L3MBTL4: variants seen among roughly 807,000 people sequenced by gnomAD.
L3MBTL4 encodes the protein lethal(3)malignant brain tumor-like protein 4.
L3MBTL4 carries 70 observed loss-of-function variants against 84.5 expected under a neutral mutation model. The observed-to-expected ratio is 0.83, with a 90% confidence interval of 0.68 to 1.01. The LOEUF is 1.01. L3MBTL4 is among the 50% of genes least tolerant of loss of function. The pLI is 0.00. For missense variants in L3MBTL4, 715 were observed against 754.8 expected (o/e 0.95, Z 0.62); for synonymous variants, 274 against 259.8 (o/e 1.05, Z -0.52).
intron 16 of L3MBTL4, among the ~76,000 whole-genome samples, chr18:5,999,763 G>T (rs2054134150): frequency 6.6e-6 from 1 of 152,342 alleles, no homozygotes; most frequent in East Asian, 1.9e-4. Flanking sequence ...AGAAAAGAAG[G>T]GCTGAGTGGT....
At chr18:6,076,225 A>G (rs2057852036) in intron 16 of L3MBTL4, among the ~76,000 whole-genome samples, 1 of 152,234 alleles carries the variant, frequency 6.6e-6, no homozygotes, top group African/African-American at 2.4e-5. Context: ...ACTGAAAACA[A>G]TCAACCTAAA....
At chr18:6,409,593 T>A (rs535423001) in intron 1 of L3MBTL4, among the ~76,000 whole-genome samples, 2 of 152,192 alleles carry the variant, frequency 1.3e-5, no homozygotes, top group Non-Finnish European at 2.9e-5. Context: ...TTTGGGTGCA[T>A]GTGCCCATGT....
intron 12 of L3MBTL4, among the ~76,000 whole-genome samples, chr18:6,174,719 A>G (rs2044144315): frequency 6.6e-6 from 1 of 151,996 alleles, no homozygotes; most frequent in African/African-American, 2.4e-5. Flanking sequence ...AAATGCAAAA[A>G]TCAGCTGGTG....
chr18:6,215,866 A>G (rs1259437932), intron 10 of L3MBTL4, 31 bp from the exon 11 acceptor site: 1 of 1,223,184 alleles, frequency 8.2e-7, no homozygotes, highest in East Asian at 2.5e-5. Context: ...ATAGCAAAAG[A>G]TTACTCATAG....
At chr18:6,276,550 G>T (rs2049085400) in intron 4 of L3MBTL4, among the ~76,000 whole-genome samples, 2 of 151,748 alleles carry the variant, frequency 1.3e-5, no homozygotes, top group African/African-American at 4.8e-5. Flanking sequence ...AATCAGCATT[G>T]TCATGAGGAC....
At chr18:6,051,222 C>T (rs2056827039) in intron 16 of L3MBTL4, among the ~76,000 whole-genome samples, 1 of 152,226 alleles carries the variant, frequency 6.6e-6, no homozygotes, top group African/African-American at 2.4e-5. Flanking sequence ...TCATGACAGT[C>T]TGCATGAATA....
At chr18:6,228,399 T>A (rs1038819639) in intron 10 of L3MBTL4, among the ~76,000 whole-genome samples, 75 of 152,170 alleles carry the variant, frequency 4.9e-4, no homozygotes, top group Middle Eastern at 6.8e-3. Flanking sequence ...TAATTGGGCA[T>A]CATCAAAATT....
intron 10 of L3MBTL4, among the ~76,000 whole-genome samples, chr18:6,232,111 G>C (rs1485374853): frequency 1.3e-5 from 2 of 152,072 alleles, no homozygotes; most frequent in Non-Finnish European, 2.9e-5. Context: ...GTTGAATCTT[G>C]TCAAATGCTT....
intron 4 of L3MBTL4, among the ~76,000 whole-genome samples, chr18:6,278,639 T>C (rs185162707): frequency 6.6e-6 from 1 of 152,292 alleles, no homozygotes; most frequent in Admixed American, 6.5e-5. Context: ...CTGGAAGAGT[T>C]TGACTATCAT....
intron 1 of L3MBTL4, among the ~76,000 whole-genome samples, chr18:6,388,310 C>T (rs891850366): frequency 6.6e-6 from 1 of 152,166 alleles, no homozygotes; most frequent in African/African-American, 2.4e-5. Context: ...AAAAAATGTA[C>T]TGCTTAGCAA....
intron 16 of L3MBTL4, among the ~76,000 whole-genome samples, chr18:6,023,863 AT>A (rs34436104): frequency 0.036 from 5,538 of 152,188 alleles, 343 homozygotes; most frequent in Admixed American, 0.16. Context: ...TCAGTGGTAG[AT>A]TTATTATTTG....
chr18:6,050,300 C>T (rs559565209), intron 16 of L3MBTL4, among the ~76,000 whole-genome samples: 15 of 152,260 alleles, frequency 9.9e-5, no homozygotes, highest in Admixed American at 3.3e-4. Context: ...CTCTCCCACA[C>T]GATGTCAGGG....
chr18:6,026,590 G>A (rs1396991325), intron 16 of L3MBTL4, among the ~76,000 whole-genome samples: 1 of 152,152 alleles, frequency 6.6e-6, no homozygotes, highest in Non-Finnish European at 1.5e-5. Context: ...GAAGAGCTAA[G>A]GAAGAAGTCA....
At chr18:6,215,221 A>G (rs2046273444) in intron 11 of L3MBTL4, among the ~76,000 whole-genome samples, 1 of 152,206 alleles carries the variant, frequency 6.6e-6, no homozygotes, top group South Asian at 2.1e-4. Flanking sequence ...TGTACTACCT[A>G]TGTACTTTAT....
At chr18:6,287,432 A>G (rs975022642) in intron 4 of L3MBTL4, among the ~76,000 whole-genome samples, 7 of 152,062 alleles carry the variant, frequency 4.6e-5, no homozygotes, top group African/African-American at 1.7e-4. Flanking sequence ...AAAATCCTAA[A>G]ATTTCTCCTC....
At chr18:6,393,703 T>G (rs2055152931) in intron 1 of L3MBTL4, among the ~76,000 whole-genome samples, 1 of 152,150 alleles carries the variant, frequency 6.6e-6, no homozygotes, top group Admixed American at 6.5e-5. Context: ...ATACAGTCAC[T>G]TCTCACCACA....
At chr18:6,031,534 T>C (rs1354349887) in intron 16 of L3MBTL4, 2 of 979,180 alleles carry the variant, frequency 2.0e-6, no homozygotes, top group Non-Finnish European at 2.4e-6. Context: ...GTCAGGAATT[T>C]AGGCTCAGGT....
At chr18:6,409,399 C>T (rs2055872328) in intron 1 of L3MBTL4, among the ~76,000 whole-genome samples, 2 of 152,214 alleles carry the variant, frequency 1.3e-5, no homozygotes, top group Non-Finnish European at 2.9e-5. Flanking sequence ...CTCATAATTA[C>T]AGAACCATTG....
chr18:6,329,951 C>A (rs979357530), intron 1 of L3MBTL4, among the ~76,000 whole-genome samples: 3 of 152,196 alleles, frequency 2.0e-5, no homozygotes, highest in African/African-American at 7.2e-5. Context: ...CTTTTACTAA[C>A]ATAATGTTTG....
Sources: allele counts gnomAD v4.1 joint callset (sites outside exome capture counted in the v4.1 genomes callset), GRCh38; gene constraint gnomAD v4.1.1; transcripts MANE v1.5; gene names NCBI Gene and HGNC (gene_info 2026-07-23, HGNC 2026-07-21).